The following KIAA1958 variants were observed in gnomAD, a reference collection of about 807,000 sequenced individuals.
The protein encoded by KIAA1958 is uncharacterized protein KIAA1958.
KIAA1958 carries 14 observed loss-of-function variants against 47.2 expected under a neutral mutation model. That is an observed-to-expected ratio of 0.30 (90% CI 0.20 to 0.46). The LOEUF is 0.46. Among genes scored for constraint, KIAA1958 ranks in the 20% least tolerant of loss-of-function variants. KIAA1958 has a pLI of 1.00. For synonymous variants in KIAA1958, 354 were observed against 353.3 expected (o/e 1.00, Z -0.02); for missense variants, 803 against 909.2 (o/e 0.88, Z 1.50).
In KIAA1958 at chr9:112,603,618, C is replaced by T. The variant is rs556909107; in HGVS notation, c.1171+28367C>T. Among the ~76,000 whole-genome samples the T allele has an allele frequency of 1.8e-4, 28 of 152,320 alleles. No individual in the cohort carries two copies. The South Asian group carries it at 5.2e-3, about 28-fold the overall frequency. On this transcript the variant is annotated intron_variant, in intron 2 of 3. Coordinates refer to ENST00000337530, the MANE Select transcript of KIAA1958 (RefSeq NM_133465.4). ...ATTCCTATAGGGCCTAGAGCCCACA[C>T]CATAAACTCAATGCATAATTGCACA...
chr9:112,636,622 C>T (rs1588049413), intron 2 of KIAA1958, among the ~76,000 whole-genome samples: 1 of 152,172 alleles, frequency 6.6e-6, no homozygotes, highest in East Asian at 1.9e-4. Context: ...TAAAACCTCC[C>T]TCTTTATTTC....
At chr9:112,655,816 GGTT>G (rs1424236216) in intron 3 of KIAA1958, among the ~76,000 whole-genome samples, 2 of 152,182 alleles carry the variant, frequency 1.3e-5, no homozygotes, top group African/African-American at 2.4e-5. Context: ...GTAATAGCTG[GGTT>G]GTTGACAAAC....
intron 1 of KIAA1958, among the ~76,000 whole-genome samples, chr9:112,511,769 G>A (rs1403361642): frequency 1.3e-5 from 2 of 152,120 alleles, no homozygotes; most frequent in Non-Finnish European, 2.9e-5. Flanking sequence ...TTTAAAAATA[G>A]AAATATCTAG....
intron 1 of KIAA1958, among the ~76,000 whole-genome samples, chr9:112,491,292 G>A (rs866763877): frequency 1.4e-4 from 21 of 152,188 alleles, no homozygotes; most frequent in Admixed American, 3.9e-4. Flanking sequence ...TTAAGAAGAC[G>A]TTAAAACGTT....
chr9:112,563,272 G>A (rs944351458), intron 1 of KIAA1958, among the ~76,000 whole-genome samples: 1 of 152,006 alleles, frequency 6.6e-6, no homozygotes, highest in Non-Finnish European at 1.5e-5. Context: ...TGACTTGCAA[G>A]ACCTTCGTGA....
At chr9:112,487,737 TGC>T (rs1302570578) in intron 1 of KIAA1958, among the ~76,000 whole-genome samples, 1 of 152,056 alleles carries the variant, frequency 6.6e-6, no homozygotes, top group Non-Finnish European at 1.5e-5. Flanking sequence ...CATCTGAGGC[TGC>T]GCACAGTGAT....
At chr9:112,598,611 A>C (rs1836072881) in intron 2 of KIAA1958, among the ~76,000 whole-genome samples, 1 of 152,238 alleles carries the variant, frequency 6.6e-6, no homozygotes, top group Non-Finnish European at 1.5e-5. Flanking sequence ...GTAATTTTAT[A>C]TGATCAAAAG....
In KIAA1958 at chr9:112,631,534, G is replaced by GAAAAAAAAAAAAAA. The variant is rs57805823; in HGVS notation, c.1172-14107_1172-14094dup. Among the ~76,000 whole-genome samples, 2 of 98,306 alleles carry GAAAAAAAAAAAAAA rather than the reference G, an allele frequency of 2.0e-5. 1 individual carries two copies. Among genetic ancestry groups the GAAAAAAAAAAAAAA allele is most frequent in the Non-Finnish European group, 4.1e-5 (2 of 48,750 alleles). 64.5% of individuals were successfully genotyped at this position (98,306 alleles called of 152,430 possible). The stretch of plus-strand genomic sequence containing the variant: ...GAATAGAGCAAGAGCCTCTCTCAAA[G>GAAAAAAAAAAAAAA]AAAAAAAAAAAAAAAAAAAAAAGGA... On this transcript the variant is annotated intron_variant, in intron 2 of 3. Coordinates refer to ENST00000337530, the MANE Select transcript of KIAA1958 (RefSeq NM_133465.4).
In KIAA1958 at chr9:112,659,799, G is replaced by A; in HGVS notation, c.1881G>A (p.Gln627=). The part of the protein sequence containing the change: ...IYHEHSRGHK[Q]CPYCLLYKYM... ...ATGAGCATTCCCGGGGACACAAACA[G>A]TGCCCTTACTGCCTCCTCTACAAGT... Residue 627 remains glutamine, a synonymous_variant, in exon 4 of 4, where the codon CAG becomes CAA. Transcript: ENST00000337530. 1 of 1,614,160 alleles carries A rather than the reference G, an allele frequency of 6.2e-7. No homozygotes were observed. Among genetic ancestry groups the A allele is most frequent in the Non-Finnish European group, 8.5e-7 (1 of 1,180,028 alleles).
chr9:112,504,409 G>A (rs548202443), intron 1 of KIAA1958, among the ~76,000 whole-genome samples: 25 of 152,190 alleles, frequency 1.6e-4, no homozygotes, highest in East Asian at 9.7e-4. Context: ...GGCGGGTCTC[G>A]AATTCCTGAC....
chr9:112,491,830 C>G (rs1564147041), intron 1 of KIAA1958, among the ~76,000 whole-genome samples: 2 of 152,054 alleles, frequency 1.3e-5, no homozygotes, highest in Non-Finnish European at 2.9e-5. Flanking sequence ...TAGGATACTT[C>G]TTGGTTGGCT....
intron 1 of KIAA1958, among the ~76,000 whole-genome samples, chr9:112,566,077 G>T (rs1835423309): frequency 6.6e-6 from 1 of 151,862 alleles, no homozygotes; most frequent in African/African-American, 2.4e-5. Context: ...CTAATTTTTT[G>T]TATTTTTAGT....
chr9:112,650,797 G>A (rs1163829001), intron 3 of KIAA1958, among the ~76,000 whole-genome samples: 1 of 152,104 alleles, frequency 6.6e-6, no homozygotes, highest in African/African-American at 2.4e-5. Flanking sequence ...ATTCACATCT[G>A]GCTTTAAATA....
At chr9:112,529,624 C>T (rs572351515) in intron 1 of KIAA1958, among the ~76,000 whole-genome samples, 33 of 152,190 alleles carry the variant, frequency 2.2e-4, no homozygotes, top group South Asian at 4.1e-4. Flanking sequence ...ATTATGTGTT[C>T]TTAGGATTAA....
chr9:112,506,288 C>G (rs1341525639), intron 1 of KIAA1958, among the ~76,000 whole-genome samples: 1 of 152,090 alleles, frequency 6.6e-6, no homozygotes, highest in African/African-American at 2.4e-5. Context: ...AACCCCGTCT[C>G]TACTAAAAAT....
In KIAA1958 at chr9:112,641,170, A is replaced by C. The variant is rs1465342182; in HGVS notation, c.1172-4480A>C. Among the ~76,000 whole-genome samples, 15 of 152,182 alleles carry C rather than the reference A, an allele frequency of 9.9e-5. 1 individual carries two copies. The East Asian group carries it at 2.5e-3, about 25-fold the overall frequency. On this transcript the variant is annotated intron_variant, in intron 2 of 3. Coordinates refer to ENST00000337530, the MANE Select transcript of KIAA1958 (RefSeq NM_133465.4). The stretch of plus-strand genomic sequence containing the variant: ...TTTCATTTTGCCGGCAAATATCTGT[A>C]ACTAATTTTTTTAAAGATAGGGTGG...
At chr9:112,629,146 A>G (rs1836667783) in intron 2 of KIAA1958, among the ~76,000 whole-genome samples, 2 of 152,146 alleles carry the variant, frequency 1.3e-5, no homozygotes, top group Admixed American at 6.6e-5. Flanking sequence ...TTAATTGGGA[A>G]TAAAAAGATT....
Position 112,660,793 on chromosome 9 carries a change from T to C in KIAA1958, c.*724T>C, listed in dbSNP as rs1043813453. 1.3e-5 allele frequency: 2 copies of C among 152,234 alleles called. No individual in the cohort carries two copies. Among genetic ancestry groups the C allele is most frequent in the African/African-American group, 4.8e-5 (2 of 41,466 alleles). 9.4% of individuals were successfully genotyped at this position (152,234 alleles called of 1,614,324 possible). A position where few individuals can be genotyped will look rare whatever the true frequency, so the allele number is the denominator to read the frequency against. On this transcript the variant is annotated 3_prime_UTR_variant, in exon 4 of 4. Transcript: ENST00000337530. ...AAGGCTTCTAGTGAACTAGACAGTT[T>C]GTACCATGAGGGAATTTCTAGTAGT...
chr9:112,542,402 A>G (rs1469016087), intron 1 of KIAA1958, among the ~76,000 whole-genome samples: 2 of 152,178 alleles, frequency 1.3e-5, no homozygotes, highest in Non-Finnish European at 2.9e-5. Flanking sequence ...GAATATATTC[A>G]TAAAGAGGAT....
Sources: allele counts gnomAD v4.1 joint callset (sites outside exome capture counted in the v4.1 genomes callset), GRCh38; gene constraint gnomAD v4.1.1; transcripts MANE v1.5; gene names NCBI Gene and HGNC (gene_info 2026-07-23, HGNC 2026-07-21).